The following ACSBG2 variants were observed in gnomAD, a reference collection of about 807,000 sequenced individuals.
The protein encoded by ACSBG2 is long-chain-fatty-acid--CoA ligase ACSBG2.
In ACSBG2, 62 loss-of-function variants were observed where a neutral mutation model predicts 74.7. That is an observed-to-expected ratio of 0.83 (90% CI 0.68 to 1.03). ACSBG2 has a LOEUF of 1.03. ACSBG2 is among the 50% of genes least tolerant of loss of function. The pLI is 0.00. For missense variants in ACSBG2, 730 were observed against 817.6 expected, an observed-to-expected ratio of 0.89 and a Z score of 1.31; for synonymous variants, 309 against 294.1, an observed-to-expected ratio of 1.05 and a Z score of -0.52.
At chr19:6,168,621 C>T (rs1436105235) in intron 7 of ACSBG2, among the ~76,000 whole-genome samples, 3 of 152,148 alleles carry the variant, frequency 2.0e-5, no homozygotes, top group African/African-American at 7.2e-5. Context: ...CCCCTCTATG[C>T]TGGCTAGTAT....
chr19:6,156,275 T>C (rs1463326952), intron 4 of ACSBG2, among the ~76,000 whole-genome samples, 156 bp from the exon 5 acceptor site: 1 of 152,224 alleles, frequency 6.6e-6, no homozygotes, highest in Non-Finnish European at 1.5e-5. Context: ...ATTTTTGTTG[T>C]CTTCATCATT....
At chr19:6,177,875 AGTGTGTGT>A (rs3036311) in intron 8 of ACSBG2, among the ~76,000 whole-genome samples, 6,711 of 143,268 alleles carry the variant, frequency 0.047, 336 homozygotes, top group African/African-American at 0.13. Context: ...GAAAGTAAAG[AGTGTGTGT>A]GTGTGTGTGT....
chr19:6,138,551 GAGGAAGGA>G (rs555523444), intron 1 of ACSBG2, among the ~76,000 whole-genome samples: 2,184 of 104,876 alleles, frequency 0.021, 29 homozygotes, highest in South Asian at 0.05. Context: ...GGGAGGGAGG[GAGGAAGGA>G]AGGAAAGAAG....
chr19:6,185,646 C>T lies in ACSBG2; in HGVS notation c.1533C>T (p.His511=). The T allele has an allele frequency of 6.2e-7, 1 of 1,614,118 alleles. No homozygotes were observed. The highest frequency in any genetic ancestry group is 1.1e-5 in the South Asian group (1 of 91,080). The change falls in exon 11 of 15, where the codon CAC becomes CAT. Residue 511 remains histidine (H), a synonymous_variant. Coordinates refer to ENST00000588485, the MANE Select transcript of ACSBG2 (RefSeq NM_030924.5). ...DGLGFLYVTG[H]IKEILITAGG... The stretch of plus-strand genomic sequence containing the variant: ...TGGGTTTCCTCTATGTCACCGGCCA[C>T]ATCAAAGGTACCAGGGGCTGAGCTC...
In ACSBG2 at chr19:6,185,489, A is replaced by G. The variant is rs2090379325; in HGVS notation, c.1376A>G (p.Asp459Gly). 1.2e-6 allele frequency: 2 copies of G among 1,614,084 alleles called. No individual in the cohort carries two copies. Among genetic ancestry groups the G allele is most frequent in the South Asian group, 2.2e-5 (2 of 91,090 alleles). Residue 459 changes from aspartate (D) to glycine (G), a missense_variant, in exon 11 of 15, where the codon GAT (aspartate) becomes GGT (glycine). Physicochemically the swap from Asp to Gly is moderately conservative, Grantham distance 94. Coordinates refer to ENST00000588485, the MANE Select transcript of ACSBG2 (RefSeq NM_030924.5). ...AATATGCTGTTCCAGCAGAACAAGG[A>G]TGGCATTGGGGAGATCTGCCTCTGG... The part of the protein sequence containing the change: ...CKNMLFQQNK[D>G]GIGEICLWGR...
At chr19:6,144,487 G>C (rs541783606) in intron 2 of ACSBG2, among the ~76,000 whole-genome samples, 1 of 152,190 alleles carries the variant, frequency 6.6e-6, no homozygotes, top group East Asian at 1.9e-4. Flanking sequence ...ACCGCAGCTA[G>C]GAGAAAGTCA....
At chr19:6,145,640 A>C (rs964071538) in intron 2 of ACSBG2, among the ~76,000 whole-genome samples, 5 of 151,986 alleles carry the variant, frequency 3.3e-5, no homozygotes, top group Non-Finnish European at 7.4e-5. Flanking sequence ...AACACACAAC[A>C]AACCAACAAC....
At chr19:6,139,353 A>C (rs2088731163) in intron 1 of ACSBG2, among the ~76,000 whole-genome samples, 2 of 152,140 alleles carry the variant, frequency 1.3e-5, no homozygotes, top group Non-Finnish European at 2.9e-5. Flanking sequence ...GGCCTTCCAA[A>C]GTGCTGGGAT....
intron 3 of ACSBG2, among the ~76,000 whole-genome samples, chr19:6,149,668 G>A (rs570123373): frequency 7.9e-5 from 12 of 152,160 alleles, no homozygotes; most frequent in Non-Finnish European, 1.0e-4. Flanking sequence ...TGCCACGCCC[G>A]GCTAATTTTT....
In ACSBG2 at chr19:6,141,515, CT is replaced by C; in HGVS notation, c.-28del. The C allele has an allele frequency of 6.5e-7, 1 of 1,547,174 alleles. No individual in the cohort carries two copies. The highest frequency in any genetic ancestry group is 1.4e-5 in the African/African-American group (1 of 73,770). On this transcript the variant is annotated 5_prime_UTR_variant, in exon 2 of 15. Coordinates refer to ENST00000588485, the MANE Select transcript of ACSBG2 (RefSeq NM_030924.5). The stretch of plus-strand genomic sequence containing the variant: ...CTCCCTGCTTTTTTGCTTTGCAGTG[CT>C]GTGGAGCATGGTTTCTGCACACCTG...
At position 6,177,249 on chromosome 19, in the gene ACSBG2, A is replaced by G; in HGVS notation, c.759A>G (p.Ala253=). The G allele has an allele frequency of 6.2e-7, 1 of 1,614,126 alleles. No homozygotes were observed. Among genetic ancestry groups the G allele is most frequent in the Non-Finnish European group, 8.5e-7 (1 of 1,180,020 alleles). Residue 253 remains alanine (A), a synonymous_variant, in exon 8 of 15, where the codon GCA becomes GCG. Coordinates refer to ENST00000588485, the MANE Select transcript of ACSBG2 (RefSeq NM_030924.5). ...SHDNITWIAG[A]VTKDFKLTDK... is the part of the protein sequence containing the mutation. ...TACAGATCACGTGGATTGCAGGAGC[A>G]GTGACAAAGGACTTTAAACTGACAG...
intron 4 of ACSBG2, among the ~76,000 whole-genome samples, chr19:6,153,319 C>G (rs1203389604): frequency 6.6e-6 from 1 of 152,102 alleles, no homozygotes; most frequent in Non-Finnish European, 1.5e-5. Flanking sequence ...TCACTCTTAC[C>G]TATATGATAT....
At chr19:6,164,404 A>G (rs1311038922) in intron 6 of ACSBG2, among the ~76,000 whole-genome samples, 1 of 150,022 alleles carries the variant, frequency 6.7e-6, no homozygotes, top group Non-Finnish European at 1.5e-5. Context: ...TTCAGGCAAC[A>G]CTGGCCATCT....
At position 6,151,622 on chromosome 19, in the gene ACSBG2, A is replaced by G. The variant is rs1401633099; in HGVS notation, c.298-85A>G. On this transcript the variant is annotated intron_variant, in intron 3 of 14. Transcript: ENST00000588485. ...CACTGCGCCTGGCCTCCATGTGACT[A>G]CCTTTGATTCTGTCGTCACATATCC... 5 of 1,356,244 alleles carry G rather than the reference A, an allele frequency of 3.7e-6. No homozygotes were observed. The East Asian group carries it at 1.3e-4, about 34-fold the overall frequency. The allele number at this position is 1,356,244 out of a possible 1,614,324, so 84.0% of individuals were successfully genotyped here.
rs539631306 is a variant in ACSBG2 at position 6,148,388 on chromosome 19, G to A, written c.297+713G>A. 117 of 152,992 alleles carry A rather than the reference G, an allele frequency of 7.6e-4. 1 individual carries two copies. In the South Asian group the frequency reaches 0.024, roughly 31 times the overall value. 9.5% of individuals were successfully genotyped at this position (152,992 alleles called of 1,614,324 possible). A position where few individuals can be genotyped will look rare whatever the true frequency, so the allele number is the denominator to read the frequency against. ...AGGCTGGGGTCAGTGGCTCATGTCT[G>A]TAATCCTAGTGCTTTGGGACATCGA... On this transcript the variant is annotated intron_variant, in intron 3 of 14. Transcript: ENST00000588485.
At chr19:6,191,238 G>A (rs983514206) in intron 14 of ACSBG2, 1 of 151,598 alleles carries the variant, frequency 6.6e-6, no homozygotes, top group Non-Finnish European at 1.5e-5. Context: ...TAGTTATTGA[G>A]GTGTTTTTTT....
At chr19:6,190,825 A>G in intron 14 of ACSBG2, 133 bp downstream of exon 14, 1 of 547,204 alleles carries the variant, frequency 1.8e-6, no homozygotes, top group Non-Finnish European at 3.3e-6. Flanking sequence ...ACACACACAC[A>G]CACACACACA....
chr19:6,159,825 G>T (rs1364280881), intron 5 of ACSBG2, among the ~76,000 whole-genome samples: 2 of 151,942 alleles, frequency 1.3e-5, no homozygotes. Context: ...TACTCTCTTG[G>T]GTCCCCACTC....
chr19:6,159,878 G>A (rs996100384), intron 5 of ACSBG2, among the ~76,000 whole-genome samples: 31 of 152,116 alleles, frequency 2.0e-4, no homozygotes, highest in Admixed American at 9.2e-4. Flanking sequence ...ATCCCAAGCT[G>A]TTGCCTGCCC....
Sources: allele counts gnomAD v4.1 joint callset (sites outside exome capture counted in the v4.1 genomes callset), GRCh38; gene constraint gnomAD v4.1.1; transcripts MANE v1.5; gene names NCBI Gene and HGNC (gene_info 2026-07-23, HGNC 2026-07-21).